CNTNAP3: variants seen among roughly 807,000 people sequenced by gnomAD.
CNTNAP3 encodes the protein contactin associated protein family member 3.
A neutral mutation model predicts 92.1 loss-of-function variants in CNTNAP3; 36 were observed. The observed-to-expected ratio is 0.39, with a 90% CI of 0.30 to 0.52. The LOEUF is 0.52. CNTNAP3 is among the 20% of genes least tolerant of loss of function. The pLI is 0.76. For missense variants in CNTNAP3, 534 were observed against 1,069.6 expected (o/e 0.50, Z 6.98); for synonymous variants, 232 against 422.3 (o/e 0.55, Z 5.53).
At chr9:39,079,358 T>C (rs1370823275) in intron 21 of CNTNAP3, among the ~76,000 whole-genome samples, 1 of 151,760 alleles carries the variant, frequency 6.6e-6, no homozygotes, top group Non-Finnish European at 1.5e-5. Context: ...CTATAGTTGC[T>C]ATTTTGTATG....
intron 10 of CNTNAP3, among the ~76,000 whole-genome samples, chr9:39,147,497 C>T (rs911687703): frequency 1.3e-5 from 2 of 152,142 alleles, no homozygotes; most frequent in African/African-American, 2.4e-5. Flanking sequence ...AGGAGCTAGT[C>T]TTCTACGTTA....
chr9:39,134,586 G>A (rs1821383485), intron 12 of CNTNAP3, among the ~76,000 whole-genome samples: 1 of 151,954 alleles, frequency 6.6e-6, no homozygotes, highest in African/African-American at 2.4e-5. Context: ...CACCACACCT[G>A]GCTAATTTTT....
At chr9:39,099,785 A>G (rs1051079203) in intron 18 of CNTNAP3, 126 bp downstream of exon 18, 1 of 1,114,170 alleles carries the variant, frequency 9.0e-7, no homozygotes, top group Non-Finnish European at 1.3e-6. Flanking sequence ...AATTTGGTAC[A>G]GAAATTATTC....
At chr9:39,082,781 G>A (rs991701475) in intron 21 of CNTNAP3, among the ~76,000 whole-genome samples, 2 of 152,298 alleles carry the variant, frequency 1.3e-5, no homozygotes, top group Admixed American at 6.5e-5. Context: ...CCTGGCCACA[G>A]GTGCAGCCTT....
intron 12 of CNTNAP3, among the ~76,000 whole-genome samples, chr9:39,136,288 T>G (rs375252432): frequency 6.6e-5 from 10 of 152,172 alleles, no homozygotes; most frequent in East Asian, 1.9e-4. Flanking sequence ...ACTTAGTATA[T>G]CATATGAAAT....
chr9:39,148,144 T>C (rs1477025424), intron 10 of CNTNAP3, among the ~76,000 whole-genome samples: 1 of 151,750 alleles, frequency 6.6e-6, no homozygotes, highest in Non-Finnish European at 1.5e-5. Context: ...CAGAGTGGGG[T>C]TCTGGAGCTG....
intron 20 of CNTNAP3, 107 bp from the exon 21 acceptor site, chr9:39,085,930 G>C (rs1826053193): frequency 9.2e-7 from 1 of 1,085,496 alleles, no homozygotes. Context: ...TCACTTTTAA[G>C]TACCATTACA....
At chr9:39,113,273 G>A (rs905743152) in intron 14 of CNTNAP3, among the ~76,000 whole-genome samples, 15 of 152,168 alleles carry the variant, frequency 9.9e-5, no homozygotes, top group East Asian at 1.9e-4. Context: ...ACAGTAGTGA[G>A]TCAATCCATT....
intron 19 of CNTNAP3, among the ~76,000 whole-genome samples, chr9:39,088,009 G>A (rs1056073526): frequency 6.6e-6 from 1 of 152,140 alleles, no homozygotes; most frequent in African/African-American, 2.4e-5. Context: ...TTGCTTATAG[G>A]AATTGGCTTT....
intron 18 of CNTNAP3, among the ~76,000 whole-genome samples, chr9:39,095,122 C>T (rs1826296100): frequency 6.6e-6 from 1 of 151,486 alleles, no homozygotes; most frequent in South Asian, 2.1e-4. Context: ...TTTCCTTAAT[C>T]TCACTTTCAG....
At chr9:39,110,118 G>T (rs903393785) in intron 14 of CNTNAP3, among the ~76,000 whole-genome samples, 1 of 152,254 alleles carries the variant, frequency 6.6e-6, no homozygotes, top group East Asian at 1.9e-4. Context: ...AACACAGGCC[G>T]GGCACAGTGG....
chr9:39,066,416 T>C lies in CNTNAP3; in HGVS notation c.*7474A>G, dbSNP rs1297606822. 4.6e-5 allele frequency among the ~76,000 whole-genome samples: 7 copies of C among 152,190 alleles called. No individual in the cohort carries two copies. The highest frequency in any genetic ancestry group is 2.1e-4 in the South Asian group (1 of 4,834). On this transcript the variant is annotated 3_prime_UTR_variant, in exon 24 of 24. Coordinates refer to ENST00000297668, the MANE Select transcript of CNTNAP3 (RefSeq NM_033655.5). ...AGGGCAGGTATTGTATATTTACTTA[T>C]GGTGTTACTATTGCCAGTGCTCTTC...
chr9:39,148,499 T>A (rs1821757248), intron 10 of CNTNAP3, among the ~76,000 whole-genome samples: 1 of 151,956 alleles, frequency 6.6e-6, no homozygotes, highest in African/African-American at 2.4e-5. Context: ...AGGCAGGTTT[T>A]GAAAGTTCTA....
In CNTNAP3 at chr9:39,132,914, T is replaced by C; in HGVS notation, c.2080+18A>G. On this transcript the variant is annotated intron_variant, in intron 13 of 23. Coordinates refer to ENST00000297668, the MANE Select transcript of CNTNAP3 (RefSeq NM_033655.5). ...CCCGGCCCCGTGAACCCCTGTAGCC[T>C]CCAGGAGTGGCGCTTACCTCGTGAG... is the stretch of plus-strand genomic sequence containing the variant. The C allele has an allele frequency of 6.5e-7, 1 of 1,538,300 alleles. No homozygotes were observed. The highest frequency in any genetic ancestry group is 1.4e-5 in the African/African-American group (1 of 71,732).
chr9:39,132,804 A>C lies in CNTNAP3; in HGVS notation c.2080+128T>G, dbSNP rs1821325439. ...ACCAAGAGCGGGAAGAGAAGGAGAGAGTGGTCAGGGCTTTGAACTAAGAGC... is the reference window on the plus strand; with the variant it reads ...ACCAAGAGCGGGAAGAGAAGGAGAGCGTGGTCAGGGCTTTGAACTAAGAGC... On this transcript the variant is annotated intron_variant, in intron 13 of 23. Transcript: ENST00000297668. The C allele has an allele frequency of 1.6e-5, 17 of 1,075,998 alleles. No homozygotes were observed. In the South Asian group the frequency reaches 2.8e-4, roughly 18 times the overall value. 66.7% of individuals were successfully genotyped at this position (1,075,998 alleles called of 1,614,324 possible).
intron 14 of CNTNAP3, among the ~76,000 whole-genome samples, chr9:39,109,767 C>T (rs1563880914): frequency 6.6e-6 from 1 of 152,032 alleles, no homozygotes; most frequent in Non-Finnish European, 1.5e-5. Context: ...ACTCCTGACC[C>T]GTTTGCCAAT....
In CNTNAP3 at chr9:39,067,618, C is replaced by T. The variant is rs1330218303; in HGVS notation, c.*6272G>A. Among the ~76,000 whole-genome samples, 113 of 150,928 alleles carry T rather than the reference C, an allele frequency of 7.5e-4. No individual in the cohort carries two copies. Among genetic ancestry groups the T allele is most frequent in the Non-Finnish European group, 1.3e-3 (90 of 66,918 alleles). On this transcript the variant is annotated 3_prime_UTR_variant, in exon 24 of 24. Coordinates refer to ENST00000297668, the MANE Select transcript of CNTNAP3 (RefSeq NM_033655.5). Reference sequence around the variant, plus strand: ...TCCACCTTGTTAGCAGGATGGTCTCCATCTCCCGACCTCGTGATCTGCCTG... The same window carrying T: ...TCCACCTTGTTAGCAGGATGGTCTCTATCTCCCGACCTCGTGATCTGCCTG...
At chr9:39,078,131 C>A (rs1216815108) in intron 23 of CNTNAP3, among the ~76,000 whole-genome samples, 2 of 152,412 alleles carry the variant, frequency 1.3e-5, no homozygotes, top group African/African-American at 4.8e-5. Flanking sequence ...CGCTTGAACC[C>A]GGGAGGCAGA....
At position 39,168,006 on chromosome 9, in the gene CNTNAP3, G is replaced by GTTTT. The variant is rs201151152; in HGVS notation, c.1334-1934_1334-1931dup. 5.5e-4 allele frequency among the ~76,000 whole-genome samples: 78 copies of GTTTT among 140,934 alleles called. 1 individual carries two copies. The highest frequency in any genetic ancestry group is 2.0e-3 in the African/African-American group (76 of 37,376). The allele number at this position is 140,934 out of a possible 152,430, so 92.5% of individuals were successfully genotyped here. Reference sequence around the variant, plus strand: ...CAGGTTTCTGTGCCTTTTACCTTGAGTTTTTTTTTGTTTTTGTTTTTTTTT... The same window carrying GTTTT: ...CAGGTTTCTGTGCCTTTTACCTTGAGTTTTTTTTTTTTTGTTTTTGTTTTTTTTT... On this transcript the variant is annotated intron_variant, in intron 8 of 23. Transcript: ENST00000297668.
Sources: gnomAD v4.1 joint callset for allele counts (sites outside exome capture counted in the v4.1 genomes callset) on GRCh38, gnomAD v4.1.1 for gene constraint, MANE v1.5 for transcripts, NCBI Gene and HGNC (gene_info 2026-07-23, HGNC 2026-07-21) for gene names.